Variants in SLC38A2 observed in about 807,000 individuals in gnomAD.
The protein encoded by SLC38A2 is sodium-coupled neutral amino acid symporter 2.
SLC38A2 carries 11 observed loss-of-function variants against 61.5 expected under a neutral mutation model. The observed-to-expected ratio is 0.18, with a 90% CI of 0.11 to 0.30. SLC38A2 has a LOEUF of 0.30. Ranked by LOEUF, SLC38A2 falls within the 10% of genes least tolerant of loss-of-function variation. The pLI is 1.00. For missense variants in SLC38A2, 522 were observed against 600.4 expected (o/e 0.87, Z 1.36); for synonymous variants, 217 against 212.5 (o/e 1.02, Z -0.18).
intron 4 of SLC38A2, among the ~76,000 whole-genome samples, chr12:46,369,792 C>G (rs567607575): frequency 1.8e-4 from 27 of 152,100 alleles, no homozygotes; most frequent in Non-Finnish European, 3.7e-4. Context: ...GCTCTGAAGT[C>G]TTCTGTACCT....
intron 10 of SLC38A2, 99 bp from the exon 11 acceptor site, chr12:46,364,102 G>A: frequency 9.1e-7 from 1 of 1,097,884 alleles, no homozygotes; most frequent in Non-Finnish European, 1.3e-6. Context: ...TAGAATCAAA[G>A]CCTAAGTTTC....
chr12:46,358,688 A>T lies in SLC38A2; in HGVS notation c.*2423T>A, dbSNP rs531384772. 3.3e-5 allele frequency: 5 copies of T among 152,740 alleles called. No individual in the cohort carries two copies. The South Asian group carries it at 1.0e-3, about 32-fold the overall frequency. 9.5% of individuals were successfully genotyped at this position (152,740 alleles called of 1,614,324 possible). ...CACTTGAACCCAAGACCCAAACCTG[A>T]CATTATATACAACCTATTTACAAAT... On this transcript the variant is annotated 3_prime_UTR_variant, in exon 16 of 16. Coordinates refer to ENST00000256689, the MANE Select transcript of SLC38A2 (RefSeq NM_018976.5).
At chr12:46,365,979 G>A (rs1340917814) in intron 7 of SLC38A2, among the ~76,000 whole-genome samples, 1 of 152,068 alleles carries the variant, frequency 6.6e-6, no homozygotes, top group Non-Finnish European at 1.5e-5. Context: ...AACACTTAAA[G>A]ATCAGCTTAA....
At position 46,361,164 on chromosome 12, in the gene SLC38A2, T is replaced by G; in HGVS notation, c.1468A>C (p.Met490Leu). The G allele has an allele frequency of 6.2e-7, 1 of 1,613,712 alleles. No individual in the cohort carries two copies. The highest frequency in any genetic ancestry group is 8.5e-7 in the Non-Finnish European group (1 of 1,179,734). The change falls in exon 16 of 16, where the codon ATG (methionine) becomes CTG (leucine). Residue 490 changes from methionine (M) to leucine (L), a missense_variant. Physicochemically the swap from Met to Leu is conservative, Grantham distance 15. Around this residue, in one of 3 missense-constraint regions of SLC38A2, gnomAD observed 309 missense variants for 343.9 expected, o/e 0.90. Transcript: ENST00000256689. ...ACCCAATCCAAAACAATCAAGGCCA[T>G]GCTTCCGGTCATCACCAGTACACCA... Reference protein sequence around the residue: ...LSGVLVMTGSMALIVLDWVHN... With the variant: ...LSGVLVMTGSLALIVLDWVHN...
chr12:46,371,506 C>A, intron 1 of SLC38A2, 127 bp from the exon 2 acceptor site: 1 of 523,208 alleles, frequency 1.9e-6, no homozygotes, highest in Non-Finnish European at 3.3e-6. Flanking sequence ...CAGCCGCGCG[C>A]GAGGGGCGGG....
At chr12:46,369,241 T>C (rs543667387) in intron 4 of SLC38A2, among the ~76,000 whole-genome samples, 3 of 152,192 alleles carry the variant, frequency 2.0e-5, no homozygotes, top group South Asian at 2.1e-4. Flanking sequence ...AGTGATGCCA[T>C]TCAGGTTCTC....
At chr12:46,370,886 T>C (rs1293369364) in intron 2 of SLC38A2, 29 bp from the exon 3 acceptor site, 2 of 1,521,282 alleles carry the variant, frequency 1.3e-6, no homozygotes, top group East Asian at 2.3e-5. Flanking sequence ...TATATAATTG[T>C]AAACTGGATT....
Position 46,372,670 on chromosome 12 carries a change from G to A in SLC38A2, c.-248C>T, listed in dbSNP as rs923324507. The A allele has an allele frequency of 5.0e-6, 2 of 398,410 alleles. No individual in the cohort carries two copies. Among genetic ancestry groups the A allele is most frequent in the Non-Finnish European group, 8.9e-6 (2 of 225,982 alleles). The allele number at this position is 398,410 out of a possible 1,614,324, so 24.7% of individuals were successfully genotyped here. ...CAAATTGCCGCCCCAATCCTCCGGC[G>A]TCCGCCGTGTCAAGGGAAAGGCGCG... On this transcript the variant is annotated 5_prime_UTR_variant, in exon 1 of 16. It adds an upstream start codon to the 5' untranslated region. Coordinates refer to ENST00000256689, the MANE Select transcript of SLC38A2 (RefSeq NM_018976.5).
intron 1 of SLC38A2, 63 bp downstream of exon 1, chr12:46,372,446 C>T (rs1222043575): frequency 1.6e-5 from 6 of 371,586 alleles, no homozygotes; most frequent in Non-Finnish European, 2.9e-5. Flanking sequence ...CTCCCGGAAG[C>T]CCCTCCCCCA....
In SLC38A2 at chr12:46,358,927, C is replaced by T. The variant is rs74342954; in HGVS notation, c.*2184G>A. On this transcript the variant is annotated 3_prime_UTR_variant, in exon 16 of 16. Transcript: ENST00000256689. ...CATTGTTCAGGAACCTCAAGGTAGA[C>T]AAGATAGCTCCCAGAAAATCATCCA... 1 of 152,630 alleles carries T rather than the reference C, an allele frequency of 6.6e-6. No homozygotes were observed. The highest frequency in any genetic ancestry group is 1.9e-4 in the East Asian group (1 of 5,186). 9.5% of individuals were successfully genotyped at this position (152,630 alleles called of 1,614,324 possible).
chr12:46,371,516 G>C (rs531436143), intron 1 of SLC38A2, 137 bp from the exon 2 acceptor site: 2 of 515,148 alleles, frequency 3.9e-6, no homozygotes, highest in Non-Finnish European at 3.4e-6. Context: ...CGAGGGGCGG[G>C]GGCGCGCCGA....
Position 46,370,708 on chromosome 12 carries a change from T to C in SLC38A2, c.198+68A>G, listed in dbSNP as rs1484956390. ...CAGCTTTGGGCAAGTTAGATTTGAATTCTAAAAGTAAAACTATTCTTTTAC... is the reference window on the plus strand; with the variant it reads ...CAGCTTTGGGCAAGTTAGATTTGAACTCTAAAAGTAAAACTATTCTTTTAC... On this transcript the variant is annotated intron_variant, in intron 3 of 15. Transcript: ENST00000256689. 3.3e-6 allele frequency: 5 copies of C among 1,537,712 alleles called. No homozygotes were observed. The Admixed American group carries it at 8.6e-5, about 27-fold the overall frequency.
Position 46,361,158 on chromosome 12 carries a change from A to C in SLC38A2, c.1474T>G (p.Leu492Val). ...GVLVMTGSMALIVLDWVHNAP... is the reference protein window; with the variant it reads ...GVLVMTGSMAVIVLDWVHNAP... ...TTGTGTACCCAATCCAAAACAATCA[A>C]GGCCATGCTTCCGGTCATCACCAGT... The change falls in exon 16 of 16, where the codon TTG becomes GTG. Residue 492 changes from leucine to valine, a missense_variant. Physicochemically the swap from Leu to Val is conservative, Grantham distance 32 (BLOSUM62 1). Around this residue, in one of 3 missense-constraint regions of SLC38A2, gnomAD observed 309 missense variants for 343.9 expected, o/e 0.90. Transcript: ENST00000256689. The C allele has an allele frequency of 6.2e-7, 1 of 1,613,710 alleles. No homozygotes were observed. The highest frequency in any genetic ancestry group is 1.1e-5 in the South Asian group (1 of 91,056).
At position 46,363,967 on chromosome 12, in the gene SLC38A2, C is replaced by A; in HGVS notation, c.910G>T (p.Val304Phe). The part of the protein sequence containing the change: ...YAVPILIFSF[V>F]CHPAVLPIYE... The stretch of plus-strand genomic sequence containing the variant: ...ATGGGAAGAACAGCAGGATGACAGA[C>A]AAATGAAAAGATCAGAATTGGCACA... Residue 304 changes from valine (V) to phenylalanine (F), a missense_variant, in exon 11 of 16, where the codon GTC (valine) becomes TTC (phenylalanine). Transcript: ENST00000256689. 5 of 1,611,862 alleles carry A rather than the reference C, an allele frequency of 3.1e-6. No homozygotes were observed. The highest frequency in any genetic ancestry group is 4.2e-6 in the Non-Finnish European group (5 of 1,178,860).
At chr12:46,366,685 C>T (rs1360824958) in intron 7 of SLC38A2, among the ~76,000 whole-genome samples, 179 bp downstream of exon 7, 2 of 152,170 alleles carry the variant, frequency 1.3e-5, no homozygotes, top group Admixed American at 6.5e-5. Context: ...TACTATCTTT[C>T]GGCCTTTCCT....
Position 46,358,546 on chromosome 12 carries a change from C to T in SLC38A2, c.*2565G>A, listed in dbSNP as rs1943046565. 6.6e-6 allele frequency: 1 copy of T among 152,362 alleles called. No individual in the cohort carries two copies. Among genetic ancestry groups the T allele is most frequent in the African/African-American group, 2.4e-5 (1 of 41,358 alleles). The allele number at this position is 152,362 out of a possible 1,614,324, so 9.4% of individuals were successfully genotyped here. A position where few individuals can be genotyped will look rare whatever the true frequency, so the allele number is the denominator to read the frequency against. Reference sequence around the variant, plus strand: ...AAACAAGTTTTTTTTAGTGTTTGTACACAATTTGTCAATTTTTCAATATTC... The same window carrying T: ...AAACAAGTTTTTTTTAGTGTTTGTATACAATTTGTCAATTTTTCAATATTC... On this transcript the variant is annotated 3_prime_UTR_variant, in exon 16 of 16. Transcript: ENST00000256689.
intron 8 of SLC38A2, 121 bp from the exon 9 acceptor site, chr12:46,364,823 T>C (rs1014333425): frequency 5.8e-6 from 5 of 858,804 alleles, no homozygotes; most frequent in African/African-American, 5.2e-5. Context: ...AGTATGTGTA[T>C]AGCACTAAAT....
chr12:46,369,365 C>T (rs1943170932), intron 4 of SLC38A2, among the ~76,000 whole-genome samples: 1 of 152,212 alleles, frequency 6.6e-6, no homozygotes, highest in Non-Finnish European at 1.5e-5. Context: ...TGAATCCTAG[C>T]ATCTAGTACT....
At chr12:46,362,674 A>G in intron 13 of SLC38A2, 36 bp from the exon 14 acceptor site, 1 of 1,541,048 alleles carries the variant, frequency 6.5e-7, no homozygotes, top group Non-Finnish European at 8.6e-7. Context: ...TTTTAAAAAT[A>G]GCAGCAATAT....
Sources: allele counts gnomAD v4.1 joint callset (sites outside exome capture counted in the v4.1 genomes callset), GRCh38; gene constraint gnomAD v4.1.1; regional missense constraint gnomAD v4.1.1; transcripts MANE v1.5; gene names NCBI Gene and HGNC (gene_info 2026-07-23, HGNC 2026-07-21).